The following C1orf87 variants were observed in gnomAD, a reference collection of about 807,000 sequenced individuals.
The protein encoded by C1orf87 is chromosome 1 open reading frame 87, also known as uncharacterized protein C1orf87.
A neutral mutation model predicts 60.5 loss-of-function variants in C1orf87; 58 were observed. That is an observed-to-expected ratio of 0.96 (90% CI 0.78 to 1.19). C1orf87 has a LOEUF of 1.19. Among genes scored for constraint, C1orf87 ranks in the 50% most tolerant of loss-of-function variants. The probability of loss-of-function intolerance (pLI) is 0.00; values close to 1 mark genes in which losing one functional copy is unlikely to be tolerated. For missense variants in C1orf87, 673 were observed against 638.6 expected, an observed-to-expected ratio of 1.05 and a Z score of -0.58; for synonymous variants, 236 against 227.4, an observed-to-expected ratio of 1.04 and a Z score of -0.34.
chr1:60,019,140 G>A (rs1413193657), intron 8 of C1orf87, among the ~76,000 whole-genome samples: 2 of 152,170 alleles, frequency 1.3e-5, no homozygotes, highest in Non-Finnish European at 2.9e-5. Flanking sequence ...TTCTCCATGT[G>A]TTGAAGGAGG....
chr1:60,070,292 CT>C (rs1355836050), intron 2 of C1orf87, among the ~76,000 whole-genome samples: 1 of 152,124 alleles, frequency 6.6e-6, no homozygotes, highest in African/African-American at 2.4e-5. Flanking sequence ...GAAGATTTCT[CT>C]TTTTCTATCC....
At chr1:60,000,656 A>G (rs182862116) in intron 10 of C1orf87, among the ~76,000 whole-genome samples, 1 of 152,074 alleles carries the variant, frequency 6.6e-6, no homozygotes, top group East Asian at 1.9e-4. Context: ...AGGCTATTAC[A>G]TTTTAAAATG....
intron 11 of C1orf87, among the ~76,000 whole-genome samples, chr1:59,996,774 C>T (rs1234240637): frequency 6.6e-6 from 1 of 152,160 alleles, no homozygotes; most frequent in Admixed American, 6.5e-5. Context: ...ACAGAGCATA[C>T]TCTAACAACA....
At position 59,990,456 on chromosome 1, in the gene C1orf87, A is replaced by T. The variant is rs1027713703; in HGVS notation, c.*217T>A. On this transcript the variant is annotated 3_prime_UTR_variant, in exon 12 of 12. Transcript: ENST00000371201. ...TTCTAAGTAGCTGGGTTCTTGCCAC[A>T]TCAAAAGATAAAACTAGGTTTCCTC... The T allele has an allele frequency of 1.9e-4, 75 of 387,852 alleles. No homozygotes were observed. Among genetic ancestry groups the T allele is most frequent in the Non-Finnish European group, 2.9e-4 (65 of 221,566 alleles). The allele number at this position is 387,852 out of a possible 1,614,324, so 24.0% of individuals were successfully genotyped here. A position where few individuals can be genotyped will look rare whatever the true frequency, so the allele number is the denominator to read the frequency against.
At chr1:60,010,221 A>G (rs1218747588) in intron 9 of C1orf87, among the ~76,000 whole-genome samples, 171 bp downstream of exon 9, 1 of 152,066 alleles carries the variant, frequency 6.6e-6, no homozygotes, top group African/African-American at 2.4e-5. Flanking sequence ...CTAAAAGAAT[A>G]GCCATTAAGG....
chr1:60,044,186 T>C (rs1016823783), intron 3 of C1orf87, among the ~76,000 whole-genome samples: 1 of 152,064 alleles, frequency 6.6e-6, no homozygotes, highest in Non-Finnish European at 1.5e-5. Flanking sequence ...CCCGCCACCA[T>C]GCCCGGCTAA....
intron 2 of C1orf87, among the ~76,000 whole-genome samples, chr1:60,056,343 CA>C (rs1390250944): frequency 6.6e-6 from 1 of 151,798 alleles, no homozygotes; most frequent in African/African-American, 2.4e-5. Context: ...GGTGACCTGA[CA>C]AAACATTAGG....
chr1:60,033,544 T>C lies in C1orf87; in HGVS notation c.961A>G (p.Ile321Val). ...CGAAAACTCAGATTGAGATTGTCTA[T>C]GTTGAGTCTGCCATTGGTTGTCCTT... ...ALRTTNGRLN[I>V]DNLNLSFRKE... is the part of the protein sequence containing the mutation. The change falls in exon 7 of 12, where the codon ATA becomes GTA. Residue 321 changes from isoleucine to valine, a missense_variant. Coordinates refer to ENST00000371201, the MANE Select transcript of C1orf87 (RefSeq NM_152377.3). The C allele has an allele frequency of 6.2e-7, 1 of 1,614,022 alleles. No individual in the cohort carries two copies. Among genetic ancestry groups the C allele is most frequent in the Non-Finnish European group, 8.5e-7 (1 of 1,179,930 alleles).
Position 59,990,720 on chromosome 1 carries a change from CT to C in C1orf87, c.1593del (p.Glu532LysfsTer12). The C allele has an allele frequency of 6.2e-7, 1 of 1,614,040 alleles. No individual in the cohort carries two copies. The highest frequency in any genetic ancestry group is 8.5e-7 in the Non-Finnish European group (1 of 1,179,960). Reference sequence around the variant, plus strand: ...AGTGCTGGCTCCAAGAGCATATTTTCTCCCGAACGGAATCTGCGCAAGGCCT... The same window carrying C: ...AGTGCTGGCTCCAAGAGCATATTTTCCCCGAACGGAATCTGCGCAAGGCCT... Reference protein sequence around the residue: ...IDQALRRFRSGENMLLEPALR... With the variant: ...IDQALRRFRSXENMLLEPALR... On this transcript the variant is annotated frameshift_variant, in exon 12 of 12. Transcript: ENST00000371201. LOFTEE classifies it high-confidence loss of function.
chr1:60,034,811 TG>T (rs1302908950), intron 6 of C1orf87, among the ~76,000 whole-genome samples: 1 of 152,208 alleles, frequency 6.6e-6, no homozygotes, highest in Non-Finnish European at 1.5e-5. Context: ...CCTGGTAGTC[TG>T]CTCTAAGAGG....
chr1:60,058,582 T>G (rs1017847522), intron 2 of C1orf87, among the ~76,000 whole-genome samples: 4 of 152,244 alleles, frequency 2.6e-5, no homozygotes, highest in African/African-American at 9.6e-5. Flanking sequence ...CTTATTTATA[T>G]ACATTAGATT....
chr1:60,053,911 G>A (rs1645433490), intron 3 of C1orf87, among the ~76,000 whole-genome samples: 1 of 151,924 alleles, frequency 6.6e-6, no homozygotes, highest in Admixed American at 6.6e-5. Context: ...AAATAACAAT[G>A]GTATCTACCT....
intron 7 of C1orf87, among the ~76,000 whole-genome samples, chr1:60,031,995 C>CAT (rs993937243): frequency 6.7e-6 from 1 of 149,740 alleles, no homozygotes; most frequent in Non-Finnish European, 1.5e-5. Context: ...CACACACACA[C>CAT]ACACACACAT....
intron 8 of C1orf87, among the ~76,000 whole-genome samples, chr1:60,020,882 C>G (rs186604373): frequency 6.6e-6 from 1 of 152,036 alleles, no homozygotes; most frequent in African/African-American, 2.4e-5. Flanking sequence ...GCTCTGTGTT[C>G]CCACCCAAAT....
At chr1:60,056,467 G>A (rs1474655970) in intron 2 of C1orf87, among the ~76,000 whole-genome samples, 5 of 152,110 alleles carry the variant, frequency 3.3e-5, no homozygotes, top group African/African-American at 2.4e-5. Context: ...TGGATGCATT[G>A]ACTATTTCAT....
intron 8 of C1orf87, among the ~76,000 whole-genome samples, chr1:60,021,035 T>C (rs927004345): frequency 8.6e-5 from 13 of 151,968 alleles, no homozygotes; most frequent in Admixed American, 2.0e-4. Flanking sequence ...CTGTGGCACT[T>C]CCCCCCTCAC....
chr1:59,992,259 TTTA>T (rs1390982333), intron 11 of C1orf87, among the ~76,000 whole-genome samples: 3 of 143,872 alleles, frequency 2.1e-5, no homozygotes, highest in Non-Finnish European at 4.6e-5. Context: ...TATTTATTTA[TTTA>T]TTTTTTATTT....
chr1:60,022,736 G>A (rs1413008690), intron 8 of C1orf87, among the ~76,000 whole-genome samples: 2 of 152,046 alleles, frequency 1.3e-5, no homozygotes, highest in Non-Finnish European at 2.9e-5. Context: ...TATCCAAGTT[G>A]CCAGCATGAC....
chr1:60,043,104 A>T (rs2100301050), intron 3 of C1orf87, among the ~76,000 whole-genome samples: 1 of 152,342 alleles, frequency 6.6e-6, no homozygotes, highest in Non-Finnish European at 1.5e-5. Flanking sequence ...TGCATGTAAG[A>T]GACAGATGAT....
Sources: allele counts gnomAD v4.1 joint callset (sites outside exome capture counted in the v4.1 genomes callset), GRCh38; gene constraint gnomAD v4.1.1; transcripts MANE v1.5; gene names NCBI Gene and HGNC (gene_info 2026-07-23, HGNC 2026-07-21).